The following SLC24A2 variants were observed in gnomAD, a reference collection of about 807,000 sequenced individuals.
SLC24A2 encodes the protein solute carrier family 24 member 2.
A neutral mutation model predicts 62.0 loss-of-function variants in SLC24A2; 36 were observed. That is an observed-to-expected ratio of 0.58 (90% CI 0.44 to 0.77). SLC24A2 has a LOEUF of 0.77. Among genes scored for constraint, SLC24A2 ranks in the 30% least tolerant of loss-of-function variants. SLC24A2 has a pLI of 0.00. For synonymous variants in SLC24A2, 358 were observed against 294.0 expected (o/e 1.22, Z -2.23); for missense variants, 846 against 817.9 (o/e 1.03, Z -0.42).
At chr9:20,287,534 T>A in the SLC24A2 span, among the ~76,000 whole-genome samples, 1 of 152,158 alleles carries the variant, frequency 6.6e-6, no homozygotes, top group African/African-American at 2.4e-5. Context: ...AATACCCAAA[T>A]AAGACAGAGC....
chr9:19,889,915 C>T, the SLC24A2 span, among the ~76,000 whole-genome samples: 1 of 152,218 alleles, frequency 6.6e-6, no homozygotes. Flanking sequence ...TACCGACTAT[C>T]TCTTATCTTC....
intron 2 of SLC24A2, among the ~76,000 whole-genome samples, chr9:19,644,314 T>A (rs1214281516): frequency 6.6e-6 from 1 of 152,208 alleles, no homozygotes; most frequent in African/African-American, 2.4e-5. Context: ...TTCTGAGGGA[T>A]GAGAACATCC....
chr9:19,922,115 C>A, the SLC24A2 span, among the ~76,000 whole-genome samples: 1 of 152,120 alleles, frequency 6.6e-6, no homozygotes. Context: ...CAGCCTGTTC[C>A]CATTGTTTCA....
chr9:20,061,440 C>A, the SLC24A2 span, among the ~76,000 whole-genome samples: 300 of 152,264 alleles, frequency 2.0e-3, 1 homozygote, highest in African/African-American at 7.1e-3. Flanking sequence ...GCATGTGCCA[C>A]CATGCCCAGC....
the SLC24A2 span, among the ~76,000 whole-genome samples, chr9:20,078,990 T>C: frequency 4.8e-5 from 7 of 146,986 alleles, no homozygotes; most frequent in Non-Finnish European, 1.1e-4. Context: ...GTTCGTATGC[T>C]AACCCCTAGA....
At chr9:19,670,278 T>C (rs909357850) in intron 2 of SLC24A2, among the ~76,000 whole-genome samples, 1 of 152,204 alleles carries the variant, frequency 6.6e-6, no homozygotes, top group African/African-American at 2.4e-5. Context: ...TTATTCCTTA[T>C]TAAGTTTTTT....
At chr9:20,182,588 G>C in the SLC24A2 span, among the ~76,000 whole-genome samples, 1 of 152,300 alleles carries the variant, frequency 6.6e-6, no homozygotes, top group Non-Finnish European at 1.5e-5. Context: ...TGAACAATGA[G>C]AACACGTGGA....
the SLC24A2 span, among the ~76,000 whole-genome samples, chr9:20,110,325 A>C: frequency 1.3e-5 from 2 of 152,116 alleles, no homozygotes; most frequent in African/African-American, 4.8e-5. Context: ...TCTGAAGTTG[A>C]CCCAATTGTG....
chr9:19,709,655 A>G (rs1244846527), intron 2 of SLC24A2, among the ~76,000 whole-genome samples: 1 of 151,268 alleles, frequency 6.6e-6, no homozygotes, highest in Non-Finnish European at 1.5e-5. Flanking sequence ...TATCGCAAGG[A>G]CAAAAAACCA....
At chr9:20,243,634 T>C in the SLC24A2 span, among the ~76,000 whole-genome samples, 4 of 152,220 alleles carry the variant, frequency 2.6e-5, no homozygotes, top group Non-Finnish European at 5.9e-5. Context: ...TTTTGTTATA[T>C]ATATGAACAA....
chr9:20,075,186 T>C, the SLC24A2 span, among the ~76,000 whole-genome samples: 6 of 152,302 alleles, frequency 3.9e-5, no homozygotes, highest in East Asian at 1.2e-3. Context: ...AAAGTAGAAA[T>C]GAAATTGGGA....
At chr9:20,025,707 C>A in the SLC24A2 span, among the ~76,000 whole-genome samples, 2 of 152,040 alleles carry the variant, frequency 1.3e-5, no homozygotes, top group African/African-American at 2.4e-5. Context: ...CTGGAACGAC[C>A]AAGTGACCTG....
chr9:19,799,789 G>A, the SLC24A2 span, among the ~76,000 whole-genome samples: 11 of 152,158 alleles, frequency 7.2e-5, no homozygotes, highest in East Asian at 1.9e-4. Context: ...TGCTTAATAC[G>A]CTCCCCTCTC....
At chr9:19,531,536 C>CT (rs748588738) in intron 8 of SLC24A2, among the ~76,000 whole-genome samples, 42 of 152,162 alleles carry the variant, frequency 2.8e-4, no homozygotes, top group Non-Finnish European at 3.4e-4. Context: ...TGATTAGAAG[C>CT]TTTTGGTACA....
the SLC24A2 span, among the ~76,000 whole-genome samples, chr9:20,010,273 G>A: frequency 6.6e-6 from 1 of 152,128 alleles, no homozygotes; most frequent in African/African-American, 2.4e-5. Flanking sequence ...AAGAACACCT[G>A]CAAAAGCCAG....
At position 19,510,907 on chromosome 9, in the gene SLC24A2, C is replaced by T. The variant is rs1294631190; in HGVS notation, c.*5246G>A. On this transcript the variant is annotated 3_prime_UTR_variant, in exon 11 of 11. Coordinates refer to ENST00000341998, the MANE Select transcript of SLC24A2 (RefSeq NM_020344.4). Reference sequence around the variant, plus strand: ...GCTTGTCCTTTGTAGCTGCTTCTTACTCTTTCTTAAGAAATCTGTCCCTAG... The same window carrying T: ...GCTTGTCCTTTGTAGCTGCTTCTTATTCTTTCTTAAGAAATCTGTCCCTAG... 13 of 152,184 alleles carry T rather than the reference C, an allele frequency of 8.5e-5. No homozygotes were observed. Among genetic ancestry groups the T allele is most frequent in the Admixed American group, 5.9e-4 (9 of 15,262 alleles). The allele number at this position is 152,184 out of a possible 1,614,324, so 9.4% of individuals were successfully genotyped here.
chr9:19,699,615 T>C (rs1820297915), intron 2 of SLC24A2, among the ~76,000 whole-genome samples: 1 of 152,190 alleles, frequency 6.6e-6, no homozygotes, highest in African/African-American at 2.4e-5. Context: ...ACATGCATTT[T>C]CTAAAAATAC....
At chr9:19,944,497 T>A in the SLC24A2 span, among the ~76,000 whole-genome samples, 1 of 151,608 alleles carries the variant, frequency 6.6e-6, no homozygotes. Flanking sequence ...GAATTTGACT[T>A]ATCAAAACAA....
chr9:20,052,459 T>C, the SLC24A2 span, among the ~76,000 whole-genome samples: 3 of 152,216 alleles, frequency 2.0e-5, no homozygotes, highest in Non-Finnish European at 1.5e-5. Flanking sequence ...AACACTGTAG[T>C]TGTAAAACTG....
Sources: allele counts gnomAD v4.1 joint callset (sites outside exome capture counted in the v4.1 genomes callset), GRCh38; gene constraint gnomAD v4.1.1; transcripts MANE v1.5; gene names NCBI Gene and HGNC (gene_info 2026-07-23, HGNC 2026-07-21).